MYRIP: variants seen among roughly 807,000 people sequenced by gnomAD.
MYRIP encodes rab effector MyRIP.
MYRIP carries 49 observed loss-of-function variants against 98.0 expected under a neutral mutation model. The ratio of observed to expected loss-of-function variants is 0.50; its 90% CI spans 0.40 to 0.63. MYRIP has a LOEUF of 0.63. Ranked by LOEUF, MYRIP falls within the 30% of genes least tolerant of loss-of-function variation. The pLI is 0.00. For missense variants in MYRIP, 1,004 were observed against 1,058.2 expected (o/e 0.95, Z 0.71); for synonymous variants, 404 against 409.5 (o/e 0.99, Z 0.16).
At chr3:40,256,396 C>T (rs541894641) in intron 16 of MYRIP, among the ~76,000 whole-genome samples, 15 of 151,894 alleles carry the variant, frequency 9.9e-5, no homozygotes, top group East Asian at 7.7e-4. Flanking sequence ...AACTACACTG[C>T]GTCAAATTTA....
intron 8 of MYRIP, among the ~76,000 whole-genome samples, chr3:40,179,545 T>G (rs1490241199): frequency 3.3e-5 from 5 of 152,200 alleles, no homozygotes; most frequent in African/African-American, 1.2e-4. Flanking sequence ...TAAACTTGTA[T>G]TCAGTGATTT....
chr3:40,218,496 C>T (rs992090718), intron 11 of MYRIP, among the ~76,000 whole-genome samples: 6 of 150,472 alleles, frequency 4.0e-5, no homozygotes, highest in Non-Finnish European at 8.9e-5. Flanking sequence ...TACACAACTG[C>T]ATGCTTTTGT....
At chr3:40,103,779 C>T (rs1382023371) in intron 3 of MYRIP, among the ~76,000 whole-genome samples, 1 of 151,852 alleles carries the variant, frequency 6.6e-6, no homozygotes, top group Non-Finnish European at 1.5e-5. Context: ...GAAAAAAAAA[C>T]TCTGGCTACA....
intron 7 of MYRIP, among the ~76,000 whole-genome samples, chr3:40,169,475 C>T (rs1245829743): frequency 6.6e-6 from 1 of 152,204 alleles, no homozygotes; most frequent in African/African-American, 2.4e-5. Flanking sequence ...TTGGTGTCTA[C>T]ACCCTTGATA....
chr3:39,930,899 C>A (rs1944524569), intron 2 of MYRIP, among the ~76,000 whole-genome samples: 1 of 152,018 alleles, frequency 6.6e-6, no homozygotes, highest in Non-Finnish European at 1.5e-5. Flanking sequence ...TAAGGCAGTA[C>A]AAGAATGTTT....
chr3:40,066,392 A>G (rs1340238134), intron 3 of MYRIP, among the ~76,000 whole-genome samples: 1 of 152,192 alleles, frequency 6.6e-6, no homozygotes, highest in Non-Finnish European at 1.5e-5. Flanking sequence ...TGAGATCTGA[A>G]GAAAACTTTT....
intron 1 of MYRIP, among the ~76,000 whole-genome samples, chr3:39,863,611 C>A (rs1942532560): frequency 6.6e-6 from 1 of 151,996 alleles, no homozygotes; most frequent in Non-Finnish European, 1.5e-5. Context: ...AAGATTGAAC[C>A]AGGAAGAAAT....
At chr3:40,218,785 A>G (rs2125680497) in intron 11 of MYRIP, among the ~76,000 whole-genome samples, 1 of 151,774 alleles carries the variant, frequency 6.6e-6, no homozygotes. Context: ...TTCTGTGTAT[A>G]GATGGGAAAA....
chr3:40,251,061 CCA>C (rs1559477562), intron 15 of MYRIP, among the ~76,000 whole-genome samples: 2 of 152,208 alleles, frequency 1.3e-5, no homozygotes, highest in African/African-American at 4.8e-5. Flanking sequence ...AAAGTATCTG[CCA>C]CAGTGTCCAA....
Position 39,904,293 on chromosome 3 carries a change from T to C in MYRIP, c.110+3367T>C, listed in dbSNP as rs716393. ...ACAGAGTCTCACTCTGTTGCCCAGG[T>C]TGGAGTGCAGTGGCACGATGCAACC... On this transcript the variant is annotated intron_variant, in intron 2 of 16. Transcript: ENST00000302541. 3.6e-3 allele frequency among the ~76,000 whole-genome samples: 546 copies of C among 152,248 alleles called. 4 individuals carry two copies. Among genetic ancestry groups the C allele is most frequent in the Middle Eastern group, 6.8e-3 (2 of 294 alleles).
intron 2 of MYRIP, among the ~76,000 whole-genome samples, chr3:40,013,122 TGG>T (rs1296070057): frequency 6.6e-6 from 1 of 152,230 alleles, no homozygotes; most frequent in African/African-American, 2.4e-5. Context: ...AGCTTCTCTC[TGG>T]TTACCCCATG....
At chr3:39,882,854 A>C (rs1357721734) in intron 1 of MYRIP, among the ~76,000 whole-genome samples, 1 of 152,040 alleles carries the variant, frequency 6.6e-6, no homozygotes, top group East Asian at 1.9e-4. Context: ...TCCCCACTGC[A>C]CCTGCCCCCC....
chr3:40,098,629 T>C (rs1183549779), intron 3 of MYRIP, among the ~76,000 whole-genome samples: 1 of 152,136 alleles, frequency 6.6e-6, no homozygotes, highest in Non-Finnish European at 1.5e-5. Flanking sequence ...TAAAGGCATA[T>C]GCATATTCTT....
chr3:39,813,671 C>A (rs1575264295), intron 1 of MYRIP, among the ~76,000 whole-genome samples: 4 of 152,176 alleles, frequency 2.6e-5, no homozygotes, highest in Middle Eastern at 3.2e-3. Flanking sequence ...ATATATAATT[C>A]TTTTGTCTTC....
chr3:40,030,088 AGAGAGAAAGAAAGG>A (rs1240307320), intron 2 of MYRIP, among the ~76,000 whole-genome samples: 1 of 149,832 alleles, frequency 6.7e-6, no homozygotes, highest in Non-Finnish European at 1.5e-5. Flanking sequence ...GGAAAGAAAG[AGAGAGAAAGAAAGG>A]GAGAGAGGGA....
intron 3 of MYRIP, among the ~76,000 whole-genome samples, chr3:40,132,493 T>A (rs1949665294): frequency 6.6e-6 from 1 of 152,240 alleles, no homozygotes; most frequent in Non-Finnish European, 1.5e-5. Context: ...GCTAGGCAAT[T>A]CTCCAGAAGC....
chr3:40,107,441 A>G (rs1000602525), intron 3 of MYRIP, among the ~76,000 whole-genome samples: 39 of 152,316 alleles, frequency 2.6e-4, no homozygotes, highest in Middle Eastern at 3.4e-3. Flanking sequence ...GGAAATTTCA[A>G]TATGGCCTAA....
intron 3 of MYRIP, among the ~76,000 whole-genome samples, chr3:40,103,298 G>C (rs1948985484): frequency 6.6e-6 from 1 of 152,158 alleles, no homozygotes; most frequent in Non-Finnish European, 1.5e-5. Flanking sequence ...CTCTGCCTAG[G>C]CACCCTTGCC....
At chr3:40,078,000 C>A (rs561814762) in intron 3 of MYRIP, among the ~76,000 whole-genome samples, 1 of 152,244 alleles carries the variant, frequency 6.6e-6, no homozygotes, top group East Asian at 1.9e-4. Flanking sequence ...TGGGGAGGGT[C>A]GGCCACACAG....
Sources: allele counts gnomAD v4.1 joint callset (sites outside exome capture counted in the v4.1 genomes callset), GRCh38; gene constraint gnomAD v4.1.1; transcripts MANE v1.5; gene names NCBI Gene and HGNC (gene_info 2026-07-23, HGNC 2026-07-21).